The following GREB1L variants were observed in gnomAD, a reference collection of about 807,000 sequenced individuals.
GREB1L encodes the protein GREB1-like protein.
Under a neutral mutation model 200.8 loss-of-function variants are expected in GREB1L, and 17 were observed. That is an observed-to-expected ratio of 0.08 (90% CI 0.06 to 0.13). The LOEUF (loss-of-function observed/expected upper bound fraction) is 0.13, where lower values mean the gene tolerates loss of function less well. Among genes scored for constraint, GREB1L ranks in the 10% least tolerant of loss-of-function variants. GREB1L has a pLI of 1.00. For synonymous variants in GREB1L, 789 were observed against 893.0 expected (o/e 0.88, Z 2.08); for missense variants, 1,657 against 2,367.7 (o/e 0.70, Z 6.23).
At chr18:21,492,073 A>G (rs564034764) in intron 19 of GREB1L, among the ~76,000 whole-genome samples, 25 of 151,824 alleles carry the variant, frequency 1.6e-4, no homozygotes, top group African/African-American at 2.7e-4. Context: ...GAGGCTGGGC[A>G]CGGTAGCTCA....
At chr18:21,444,487 C>A in intron 11 of GREB1L, 78 bp downstream of exon 11, 1 of 1,114,834 alleles carries the variant, frequency 9.0e-7, no homozygotes, top group Non-Finnish European at 1.3e-6. Context: ...TTCTTTCTCA[C>A]ATTTATCCTC....
At chr18:21,410,350 ATAT>A (rs1471780439) in intron 7 of GREB1L, among the ~76,000 whole-genome samples, 2 of 152,002 alleles carry the variant, frequency 1.3e-5, no homozygotes, top group Non-Finnish European at 2.9e-5. Flanking sequence ...AAAGGTGAAT[ATAT>A]TATTATAATA....
At chr18:21,500,350 C>T (rs1269155033) in intron 22 of GREB1L, 44 bp downstream of exon 22, 11 of 910,584 alleles carry the variant, frequency 1.2e-5, no homozygotes, top group South Asian at 1.5e-5. Flanking sequence ...CTGGGGTTGG[C>T]GCGTCTTCCT....
At chr18:21,242,854 G>T (rs2037525262) in intron 1 of GREB1L, among the ~76,000 whole-genome samples, 1 of 152,142 alleles carries the variant, frequency 6.6e-6, no homozygotes, top group African/African-American at 2.4e-5. Context: ...GTGAGGGGGT[G>T]CCGGGCAGGC....
chr18:21,454,400 G>A lies in GREB1L; in HGVS notation c.2019G>A (p.Pro673=), dbSNP rs374483261. 126 of 1,551,296 alleles carry A rather than the reference G, an allele frequency of 8.1e-5. No individual in the cohort carries two copies. The highest frequency in any genetic ancestry group is 1.7e-4 in the Middle Eastern group (1 of 6,016). The change falls in exon 15 of 33, where the codon CCG becomes CCA. Residue 673 remains proline, a synonymous_variant. Transcript: ENST00000424526. ...ATGAAACCTTCCACATTTATCAACC[G>A]CAGCTAACAGTTGCCAGAAAACTCT... ...LDNETFHIYQ[P]QLTVARKLLS...
intron 27 of GREB1L, among the ~76,000 whole-genome samples, chr18:21,511,715 T>TA (rs1221801298): frequency 6.6e-6 from 1 of 152,214 alleles, no homozygotes; most frequent in African/African-American, 2.4e-5. Flanking sequence ...GGTACGACCA[T>TA]AGCTCACTGT....
chr18:21,327,382 T>TCGACTCAGCATCCTA, intron 1 of GREB1L, among the ~76,000 whole-genome samples: 1 of 152,150 alleles, frequency 6.6e-6, no homozygotes, highest in Non-Finnish European at 1.5e-5. Flanking sequence ...CTAAACCCTG[T>TCGACTCAGCATCCTA]CGACTCAGCA....
At chr18:21,250,834 T>G (rs562332685) in intron 1 of GREB1L, among the ~76,000 whole-genome samples, 1 of 152,294 alleles carries the variant, frequency 6.6e-6, no homozygotes, top group East Asian at 1.9e-4. Flanking sequence ...ATCTCTTTGG[T>G]TTTTTTCTCA....
At chr18:21,336,016 A>G (rs2039179868) in intron 1 of GREB1L, among the ~76,000 whole-genome samples, 1 of 152,056 alleles carries the variant, frequency 6.6e-6, no homozygotes. Flanking sequence ...TCATTCTTTC[A>G]GTGAGAGGAT....
intron 1 of GREB1L, among the ~76,000 whole-genome samples, chr18:21,275,891 G>A (rs1425051690): frequency 6.6e-6 from 1 of 152,084 alleles, no homozygotes; most frequent in Non-Finnish European, 1.5e-5. Flanking sequence ...ATGTGACGTC[G>A]TTGAATGTGA....
intron 1 of GREB1L, among the ~76,000 whole-genome samples, chr18:21,254,095 A>G (rs1441691331): frequency 1.8e-5 from 2 of 111,720 alleles, no homozygotes; most frequent in African/African-American, 3.7e-5. Flanking sequence ...TTTGCTAGAG[A>G]GTCTCGCTCT....
intron 11 of GREB1L, among the ~76,000 whole-genome samples, chr18:21,448,297 C>T (rs953492988): frequency 1.3e-5 from 2 of 152,126 alleles, no homozygotes; most frequent in African/African-American, 4.8e-5. Context: ...CTCTCCCTGG[C>T]CTCCACCCAA....
chr18:21,475,005 A>C (rs2035629789), intron 16 of GREB1L, among the ~76,000 whole-genome samples: 2 of 152,200 alleles, frequency 1.3e-5, no homozygotes, highest in South Asian at 4.1e-4. Context: ...GGGAGCTACA[A>C]GATAAGATTT....
intron 8 of GREB1L, 88 bp downstream of exon 8, chr18:21,439,725 C>T: frequency 4.8e-6 from 4 of 839,176 alleles, no homozygotes; most frequent in Non-Finnish European, 7.9e-6. Context: ...TCTGGCAACA[C>T]ACTCTAGAGT....
intron 7 of GREB1L, among the ~76,000 whole-genome samples, chr18:21,436,828 A>G (rs976816410): frequency 4.6e-5 from 7 of 151,732 alleles, no homozygotes; most frequent in African/African-American, 1.7e-4. Context: ...CTCCCACCTC[A>G]GCCTCCCAAG....
intron 23 of GREB1L, among the ~76,000 whole-genome samples, chr18:21,505,065 G>A (rs2036958642): frequency 6.6e-6 from 1 of 152,106 alleles, no homozygotes; most frequent in East Asian, 1.9e-4. Context: ...AATCTCTTGG[G>A]TGTCAGTATA....
At chr18:21,434,597 G>A (rs2033419960) in intron 7 of GREB1L, among the ~76,000 whole-genome samples, 1 of 135,004 alleles carries the variant, frequency 7.4e-6, no homozygotes, top group Admixed American at 7.9e-5. Flanking sequence ...ATATGGCTTT[G>A]AGGGGGTCTG....
intron 17 of GREB1L, 136 bp from the exon 18 acceptor site, chr18:21,485,484 A>T: frequency 1.5e-6 from 1 of 689,076 alleles, no homozygotes; most frequent in South Asian, 2.6e-5. Context: ...GTCGGGTTAC[A>T]TAATGAAACA....
At chr18:21,362,518 G>T (rs1329132554) in intron 1 of GREB1L, among the ~76,000 whole-genome samples, 1 of 152,054 alleles carries the variant, frequency 6.6e-6, no homozygotes, top group African/African-American at 2.4e-5. Context: ...ATTTTCTTAA[G>T]CATTTTGGCT....
Sources: gnomAD v4.1 joint callset for allele counts (sites outside exome capture counted in the v4.1 genomes callset) on GRCh38, gnomAD v4.1.1 for gene constraint, MANE v1.5 for transcripts, NCBI Gene and HGNC (gene_info 2026-07-23, HGNC 2026-07-21) for gene names.